The following FREM3 variants were observed in gnomAD, a reference collection of about 807,000 sequenced individuals.
FREM3 encodes FRAS1 related extracellular matrix 3, also known as FRAS1-related extracellular matrix protein 3.
In FREM3, 105 loss-of-function variants were observed where a neutral mutation model predicts 129.1. That is an observed-to-expected ratio of 0.81 (90% CI 0.69 to 0.96). FREM3 has a LOEUF of 0.96. Among genes scored for constraint, FREM3 ranks in the 40% least tolerant of loss-of-function variants. The probability of loss-of-function intolerance (pLI) is 0.00; values close to 1 mark genes in which losing one functional copy is unlikely to be tolerated. For synonymous variants in FREM3, 1,014 were observed against 1,044.9 expected (o/e 0.97, Z 0.57); for missense variants, 2,593 against 2,666.3 (o/e 0.97, Z 0.61).
At chr4:143,665,235 C>T (rs1028025511) in intron 2 of FREM3, among the ~76,000 whole-genome samples, 1 of 152,096 alleles carries the variant, frequency 6.6e-6, no homozygotes, top group Non-Finnish European at 1.5e-5. Context: ...ATCTTGGCTC[C>T]TCCCCGATTA....
intron 6 of FREM3, among the ~76,000 whole-genome samples, chr4:143,595,889 G>GAAAAAAAAAAAAAAAAAAAA (rs70953742): frequency 9.0e-6 from 1 of 110,664 alleles, no homozygotes; most frequent in African/African-American, 3.6e-5. Flanking sequence ...CGCCATCTCA[G>GAAAAAAAAAAAAAAAAAAAA]AAAAAAAAAA....
At position 143,697,957 on chromosome 4, in the gene FREM3, C is replaced by T. The variant is rs921710271; in HGVS notation, c.2719G>A (p.Asp907Asn). Residue 907 changes from aspartate (D) to asparagine (N), a missense_variant, in exon 1 of 8, where the codon GAC (aspartate) becomes AAC (asparagine). By Grantham distance (23) the Asp-to-Asn change is conservative. Coordinates refer to ENST00000329798, the MANE Select transcript of FREM3 (RefSeq NM_001168235.2). ...AAAGTGTCACTGGTAGTCGTCTGGTCTCTGCCATGCTGGTAAGAGACACTC... is the reference window on the plus strand; with the variant it reads ...AAAGTGTCACTGGTAGTCGTCTGGTTTCTGCCATGCTGGTAAGAGACACTC... Reference protein sequence around the residue: ...NGSVSYQHGRDQTTTSDTFHL... With the variant: ...NGSVSYQHGRNQTTTSDTFHL... The T allele has an allele frequency of 1.3e-6, 2 of 1,537,658 alleles. No homozygotes were observed. Among genetic ancestry groups the T allele is most frequent in the Non-Finnish European group, 1.7e-6 (2 of 1,147,034 alleles).
chr4:143,607,954 A>C (rs1443774107), intron 6 of FREM3, among the ~76,000 whole-genome samples: 1 of 152,184 alleles, frequency 6.6e-6, no homozygotes, highest in Non-Finnish European at 1.5e-5. Context: ...GGCTGCCTGC[A>C]TTCCTCGGCT....
chr4:143,668,871 T>A (rs1300193642), intron 2 of FREM3, among the ~76,000 whole-genome samples: 7 of 152,208 alleles, frequency 4.6e-5, no homozygotes, highest in Non-Finnish European at 2.9e-5. Flanking sequence ...ACCCAGTATA[T>A]CTGTGCCTTG....
chr4:143,636,255 A>C (rs1048974625), intron 2 of FREM3, among the ~76,000 whole-genome samples: 1 of 151,070 alleles, frequency 6.6e-6, no homozygotes, highest in Admixed American at 6.6e-5. Flanking sequence ...ATACTGGGAA[A>C]TGAGAGTAAA....
At chr4:143,592,280 A>T (rs1340072464) in intron 6 of FREM3, among the ~76,000 whole-genome samples, 1 of 152,142 alleles carries the variant, frequency 6.6e-6, no homozygotes, top group Non-Finnish European at 1.5e-5. Flanking sequence ...TGATCCTGTC[A>T]TTATGATGTT....
At chr4:143,597,034 C>A (rs1333929598) in intron 6 of FREM3, among the ~76,000 whole-genome samples, 1 of 152,124 alleles carries the variant, frequency 6.6e-6, no homozygotes, top group Non-Finnish European at 1.5e-5. Context: ...TGATCGTCTA[C>A]TATGGATGAA....
rs1268836030 is a variant in FREM3, at chr4:143,697,771, T to G, written c.2905A>C (p.Met969Leu). 6.5e-7 allele frequency: 1 copy of G among 1,537,488 alleles called. No individual in the cohort carries two copies. Among genetic ancestry groups the G allele is most frequent in the East Asian group, 2.4e-5 (1 of 40,932 alleles). ...TTCCTTTTGCCATGGATGACACCCA[T>G]GGTAATTTCAGTGGCTTTATTCTCT... Reference protein sequence around the residue: ...VLENKATEITMGVIHGKRKDV... With the variant: ...VLENKATEITLGVIHGKRKDV... The change falls in exon 1 of 8, where the codon ATG becomes CTG. Residue 969 changes from methionine (M) to leucine (L), a missense_variant. Physicochemically the swap from Met to Leu is conservative, Grantham distance 15. Transcript: ENST00000329798.
At chr4:143,642,533 G>A (rs760897233) in intron 2 of FREM3, among the ~76,000 whole-genome samples, 51 of 152,062 alleles carry the variant, frequency 3.4e-4, no homozygotes, top group Admixed American at 3.3e-3. Context: ...AACACACATC[G>A]AGGGAAAGAG....
At chr4:143,634,635 G>A (rs1009792019) in intron 2 of FREM3, among the ~76,000 whole-genome samples, 24 of 152,204 alleles carry the variant, frequency 1.6e-4, no homozygotes, top group Middle Eastern at 3.4e-3. Flanking sequence ...CCGACTGAGA[G>A]TCCCCTTCTG....
At chr4:143,597,605 G>GCA (rs1471911876) in intron 6 of FREM3, among the ~76,000 whole-genome samples, 8 of 152,256 alleles carry the variant, frequency 5.3e-5, no homozygotes, top group African/African-American at 1.9e-4. Flanking sequence ...AAAATCACTA[G>GCA]CATTTCTTTA....
rs556580890 is a variant in FREM3 at position 143,611,828 on chromosome 4, A to G, written c.5780-301T>C. On this transcript the variant is annotated intron_variant, in intron 5 of 7. Coordinates refer to ENST00000329798, the MANE Select transcript of FREM3 (RefSeq NM_001168235.2). ...AGGGCTGGCTTAGCTCAATTATTTCATATTACAGATGAGAAAACTGAGGTG... is the reference window on the plus strand; with the variant it reads ...AGGGCTGGCTTAGCTCAATTATTTCGTATTACAGATGAGAAAACTGAGGTG... Among the ~76,000 whole-genome samples the G allele has an allele frequency of 6.5e-4, 99 of 152,330 alleles. 1 individual carries two copies. The highest frequency in any genetic ancestry group is 2.2e-3 in the African/African-American group (92 of 41,572).
At chr4:143,686,847 T>C (rs1277590518) in intron 2 of FREM3, among the ~76,000 whole-genome samples, 1 of 152,034 alleles carries the variant, frequency 6.6e-6, no homozygotes, top group Non-Finnish European at 1.5e-5. Context: ...GAAAAGTTCA[T>C]AGCCCTAAAC....
chr4:143,633,984 G>T (rs1025270632), intron 2 of FREM3, among the ~76,000 whole-genome samples: 1 of 152,156 alleles, frequency 6.6e-6, no homozygotes. Flanking sequence ...GAGATGACTA[G>T]CTCTGAGAGT....
In FREM3 at chr4:143,593,710, C is replaced by T. The variant is rs559335739; in HGVS notation, c.6029-7717G>A. On this transcript the variant is annotated intron_variant, in intron 6 of 7. Coordinates refer to ENST00000329798, the MANE Select transcript of FREM3 (RefSeq NM_001168235.2). ...GACCCACTTGAGGAGGCAGTCTGCC[C>T]GTTCTCAGATCTCAAGCTGCATGCT... Among the ~76,000 whole-genome samples, 8 of 152,294 alleles carry T rather than the reference C, an allele frequency of 5.3e-5. No individual in the cohort carries two copies. In the East Asian group the frequency reaches 1.2e-3, roughly 22 times the overall value.
At chr4:143,612,125 T>G (rs922677698) in intron 5 of FREM3, among the ~76,000 whole-genome samples, 2 of 152,236 alleles carry the variant, frequency 1.3e-5, no homozygotes, top group Non-Finnish European at 2.9e-5. Flanking sequence ...GATTCACCAA[T>G]GTAAATGCAC....
intron 4 of FREM3, among the ~76,000 whole-genome samples, chr4:143,623,789 A>C (rs1409282903): frequency 6.6e-6 from 1 of 152,094 alleles, no homozygotes; most frequent in Non-Finnish European, 1.5e-5. Context: ...GTGGCCCTGA[A>C]ATGAGCCCTG....
At chr4:143,632,307 G>A (rs539500866) in intron 2 of FREM3, among the ~76,000 whole-genome samples, 11 of 152,230 alleles carry the variant, frequency 7.2e-5, no homozygotes, top group African/African-American at 2.6e-4. Context: ...AATCAGGATA[G>A]TTGGATAAAG....
chr4:143,666,321 T>C (rs1296228714), intron 2 of FREM3, among the ~76,000 whole-genome samples: 2 of 152,162 alleles, frequency 1.3e-5, no homozygotes, highest in African/African-American at 4.8e-5. Context: ...GAAAGCAGTT[T>C]GGCAGTTTCT....
Sources: allele counts gnomAD v4.1 joint callset (sites outside exome capture counted in the v4.1 genomes callset), GRCh38; gene constraint gnomAD v4.1.1; transcripts MANE v1.5; gene names NCBI Gene and HGNC (gene_info 2026-07-23, HGNC 2026-07-21).